NRXN3: variants seen among roughly 807,000 people sequenced by gnomAD.
NRXN3 encodes the protein neurexin 3, also known as neurexin III.
NRXN3 carries 32 observed loss-of-function variants against 137.6 expected under a neutral mutation model. The ratio of observed to expected loss-of-function variants is 0.23; its 90% confidence interval spans 0.18 to 0.31. NRXN3 has a LOEUF of 0.31. Among genes scored for constraint, NRXN3 ranks in the 10% least tolerant of loss-of-function variants. The pLI, the probability that NRXN3 is intolerant of heterozygous loss-of-function variation, is 1.00. For synonymous variants in NRXN3, 798 were observed against 784.5 expected (o/e 1.02, Z -0.29); for missense variants, 1,574 against 2,062.5 (o/e 0.76, Z 4.59).
intron 14 of NRXN3, among the ~76,000 whole-genome samples, chr14:78,975,077 G>T (rs112810588): frequency 2.0e-4 from 30 of 152,300 alleles, no homozygotes; most frequent in African/African-American, 6.5e-4. Context: ...GTTAGTGTCA[G>T]CTATGCCTGT....
intron 16 of NRXN3, among the ~76,000 whole-genome samples, chr14:79,492,587 T>G (rs763749049): frequency 6.6e-6 from 1 of 152,198 alleles, no homozygotes; most frequent in African/African-American, 2.4e-5. Context: ...TTCGCCGTGT[T>G]GGCCAGGATG....
chr14:79,835,411 C>T (rs1263868487), intron 20 of NRXN3, among the ~76,000 whole-genome samples: 1 of 152,096 alleles, frequency 6.6e-6, no homozygotes, highest in African/African-American at 2.4e-5. Flanking sequence ...AAATATTTTC[C>T]TCTGTACCAT....
At chr14:79,251,928 C>T (rs934285652) in intron 15 of NRXN3, among the ~76,000 whole-genome samples, 3 of 151,748 alleles carry the variant, frequency 2.0e-5, no homozygotes, top group African/African-American at 4.8e-5. Context: ...AAGCAATTCT[C>T]TCACTTGAGC....
At chr14:79,104,637 G>A (rs1004541707) in intron 15 of NRXN3, among the ~76,000 whole-genome samples, 4 of 152,142 alleles carry the variant, frequency 2.6e-5, no homozygotes, top group Admixed American at 6.6e-5. Flanking sequence ...TGATACCAAT[G>A]TTGAGGTAAT....
chr14:78,749,111 C>A (rs998377062), intron 8 of NRXN3, among the ~76,000 whole-genome samples: 1 of 152,074 alleles, frequency 6.6e-6, no homozygotes, highest in African/African-American at 2.4e-5. Flanking sequence ...AAGGGGAGAA[C>A]AATAATTTCC....
At chr14:79,446,123 A>G (rs1011217786) in intron 15 of NRXN3, among the ~76,000 whole-genome samples, 3 of 152,198 alleles carry the variant, frequency 2.0e-5, no homozygotes, top group African/African-American at 4.8e-5. Context: ...ACAAAAACGA[A>G]TAAGAACCGT....
intron 10 of NRXN3, among the ~76,000 whole-genome samples, chr14:78,912,568 C>T (rs1001289319): frequency 3.9e-5 from 6 of 152,042 alleles, no homozygotes; most frequent in Middle Eastern, 3.4e-3. Context: ...GACACTAAAA[C>T]GAGATTCAAG....
rs1411967529 is a variant in NRXN3 at position 79,367,683 on chromosome 14, C to T, written c.3263-99538C>T. ...TTTTTAAAAAATAAATAGACTAGCA[C>T]GTAGCCTAGCTTACACACTTCTCAT... On this transcript the variant is annotated intron_variant, in intron 15 of 20. Coordinates refer to ENST00000335750, the MANE Select transcript of NRXN3 (RefSeq NM_001330195.2). 2.6e-5 allele frequency among the ~76,000 whole-genome samples: 4 copies of T among 152,156 alleles called. No individual in the cohort carries two copies. In the East Asian group the frequency reaches 5.8e-4, roughly 22 times the overall value.
chr14:78,798,470 TC>T (rs1391006766), intron 8 of NRXN3, among the ~76,000 whole-genome samples: 3 of 152,220 alleles, frequency 2.0e-5, no homozygotes, highest in African/African-American at 4.8e-5. Flanking sequence ...ACAATTCCTC[TC>T]CTGGCAGCTT....
intron 1 of NRXN3, among the ~76,000 whole-genome samples, chr14:78,229,268 G>T (rs916332859): frequency 6.6e-6 from 1 of 151,716 alleles, no homozygotes; most frequent in Non-Finnish European, 1.5e-5. Context: ...TATGTTTTGG[G>T]GTTTACTTCT....
intron 4 of NRXN3, among the ~76,000 whole-genome samples, chr14:78,353,212 C>G (rs1030912900): frequency 2.6e-5 from 4 of 152,196 alleles, no homozygotes; most frequent in African/African-American, 9.7e-5. Flanking sequence ...CCCCACGTCT[C>G]TGGTTCCCAC....
chr14:79,206,764 G>A (rs774892956), intron 15 of NRXN3, among the ~76,000 whole-genome samples: 55 of 152,052 alleles, frequency 3.6e-4, no homozygotes, highest in African/African-American at 6.5e-4. Flanking sequence ...ATTGAAGAGC[G>A]TTCAATTTTT....
intron 17 of NRXN3, among the ~76,000 whole-genome samples, chr14:79,683,932 T>C (rs968230963): frequency 6.6e-6 from 1 of 152,180 alleles, no homozygotes; most frequent in Non-Finnish European, 1.5e-5. Context: ...TGTTTTACTC[T>C]GTAGAATCAA....
intron 4 of NRXN3, among the ~76,000 whole-genome samples, chr14:78,523,152 C>G (rs937137843): frequency 6.6e-6 from 1 of 152,172 alleles, no homozygotes; most frequent in East Asian, 1.9e-4. Flanking sequence ...TGGCACTGCC[C>G]TTGTTTTCCA....
intron 2 of NRXN3, among the ~76,000 whole-genome samples, chr14:78,245,829 T>C (rs2067593044): frequency 6.6e-6 from 1 of 152,066 alleles, no homozygotes. Flanking sequence ...ATATATATCG[T>C]CCTTATTTGG....
In NRXN3 at chr14:78,552,265, A is replaced by G. The variant is rs1170399792; in HGVS notation, c.758-92855A>G. 3.3e-5 allele frequency among the ~76,000 whole-genome samples: 5 copies of G among 152,266 alleles called. No homozygotes were observed. In the East Asian group the frequency reaches 9.6e-4, roughly 29 times the overall value. On this transcript the variant is annotated intron_variant, in intron 4 of 20. Transcript: ENST00000335750. ...GTGATCAGCAGATTGGCTGGCACAT[A>G]GTAGGTGTTAAAAATTGTTTCTTTT...
Position 78,957,360 on chromosome 14 carries a change from G to T in NRXN3, c.2394G>T (p.Glu798Asp). ...LKLTVDDDVAEGTMVGDHTRL... is the reference protein window; with the variant it reads ...LKLTVDDDVADGTMVGDHTRL... ...TAACCGTGGATGATGATGTGGCTGAGGGTGAGTATGACTATGGTGAAATTC... is the reference window on the plus strand; with the variant it reads ...TAACCGTGGATGATGATGTGGCTGATGGTGAGTATGACTATGGTGAAATTC... The change falls in exon 11 of 21, where the codon GAG becomes GAT. Residue 798 changes from glutamate to aspartate, a missense_variant and splice_region_variant. Around this residue, in one of 5 missense-constraint regions of NRXN3, gnomAD observed 718 missense variants for 887.6 expected, o/e 0.81. Transcript: ENST00000335750. 1 of 1,613,032 alleles carries T rather than the reference G, an allele frequency of 6.2e-7. No homozygotes were observed. Among genetic ancestry groups the T allele is most frequent in the South Asian group, 1.1e-5 (1 of 90,964 alleles).
chr14:79,107,185 T>C lies in NRXN3; in HGVS notation c.3262+119044T>C, dbSNP rs566765593. 2.6e-5 allele frequency among the ~76,000 whole-genome samples: 4 copies of C among 152,260 alleles called. 1 individual carries two copies. In the South Asian group the frequency reaches 6.2e-4, roughly 24 times the overall value. On this transcript the variant is annotated intron_variant, in intron 15 of 20. Transcript: ENST00000335750. ...CAGCTAAAAAACACCATAAAGTTCA[T>C]TTAATACAACCTTCATATTTTACTG...
chr14:79,531,343 G>A (rs2097168144), intron 16 of NRXN3, among the ~76,000 whole-genome samples: 3 of 152,160 alleles, frequency 2.0e-5, no homozygotes, highest in Admixed American at 1.3e-4. Flanking sequence ...TTCATTTAAA[G>A]CATTTGCTTA....
Sources: allele counts gnomAD v4.1 joint callset (sites outside exome capture counted in the v4.1 genomes callset), GRCh38; gene constraint gnomAD v4.1.1; regional missense constraint gnomAD v4.1.1; transcripts MANE v1.5; gene names NCBI Gene and HGNC (gene_info 2026-07-23, HGNC 2026-07-21).